REV3L: variants seen among roughly 807,000 people sequenced by gnomAD.
REV3L encodes the protein DNA polymerase zeta catalytic subunit.
A neutral mutation model predicts 299.4 loss-of-function variants in REV3L; 69 were observed. The ratio of observed to expected loss-of-function variants is 0.23; its 90% CI spans 0.19 to 0.28. The LOEUF (loss-of-function observed/expected upper bound fraction) is 0.28, where lower values mean the gene tolerates loss of function less well. REV3L is among the 10% of genes least tolerant of loss of function. REV3L has a pLI of 1.00. For synonymous variants in REV3L, 1,238 were observed against 1,271.4 expected, an observed-to-expected ratio of 0.97 and a Z score of 0.56; for missense variants, 3,128 against 3,693.8, an observed-to-expected ratio of 0.85 and a Z score of 3.97.
chr6:111,310,352 T>C (rs755163765), intron 29 of REV3L: 53 of 295,466 alleles, frequency 1.8e-4, no homozygotes, highest in Non-Finnish European at 2.8e-4. Context: ...AGTTGGCAGA[T>C]ATCAACTAGC....
chr6:111,410,603 G>C (rs1196278849), intron 3 of REV3L, among the ~76,000 whole-genome samples: 2 of 152,168 alleles, frequency 1.3e-5, no homozygotes, highest in Admixed American at 1.3e-4. Flanking sequence ...TTTTGGGTAA[G>C]ATCAAGGGCA....
rs867499237 is a variant in REV3L, at chr6:111,380,070, G to A, written c.1366C>T (p.Pro456Ser). The change falls in exon 11 of 32, where the codon CCA becomes TCA. Residue 456 changes from proline (P) to serine (S), a missense_variant. Pro to Ser is a moderately conservative substitution (Grantham distance 74). Coordinates refer to ENST00000368802, the MANE Select transcript of REV3L (RefSeq NM_001372078.1). ...PQNSDDEENE[P>S]QIEKEEMELS... ...TCCATTTCCTCTTTTTCAATCTGTG[G>A]TTCATTTTCTTCATCATCACTATTT... The A allele has an allele frequency of 6.2e-7, 1 of 1,613,572 alleles. No individual in the cohort carries two copies. Among genetic ancestry groups the A allele is most frequent in the Non-Finnish European group, 8.5e-7 (1 of 1,179,864 alleles).
rs1235353049 is a variant in REV3L, at chr6:111,373,677, T to G, written c.4678A>C (p.Asn1560His). ...TTATGCTCAAGGGAACCAGAAATAT[T>G]TTTATTTGGTTGATGTTTATTGGAT... ...PLSNKHQPNK[N>H]ISGSLEHNKA... Residue 1560 changes from asparagine (N) to histidine (H), a missense_variant, in exon 13 of 32, where the codon AAT becomes CAT. Transcript: ENST00000368802. 1 of 1,614,016 alleles carries G rather than the reference T, an allele frequency of 6.2e-7. No individual in the cohort carries two copies. Among genetic ancestry groups the G allele is most frequent in the Non-Finnish European group, 8.5e-7 (1 of 1,179,976 alleles).
intron 9 of REV3L, among the ~76,000 whole-genome samples, chr6:111,386,060 A>G (rs1781314248): frequency 6.6e-6 from 1 of 152,246 alleles, no homozygotes; most frequent in Non-Finnish European, 1.5e-5. Flanking sequence ...CTAACCATGT[A>G]TAAGCTAATT....
At chr6:111,481,578 T>C (rs1346456136) in intron 1 of REV3L, among the ~76,000 whole-genome samples, 3 of 152,212 alleles carry the variant, frequency 2.0e-5, no homozygotes, top group Non-Finnish European at 4.4e-5. Flanking sequence ...GCTATTATCT[T>C]GGTAGTCCAC....
chr6:111,357,715 A>G (rs1778241227), intron 17 of REV3L, among the ~76,000 whole-genome samples: 1 of 152,068 alleles, frequency 6.6e-6, no homozygotes, highest in African/African-American at 2.4e-5. Flanking sequence ...AAAATAACAT[A>G]TCTCTTGTGA....
chr6:111,338,542 T>C (rs975910304), intron 21 of REV3L, among the ~76,000 whole-genome samples: 28 of 151,602 alleles, frequency 1.8e-4, no homozygotes, highest in South Asian at 6.2e-4. Context: ...TTAATATACA[T>C]AACTGTTACG....
chr6:111,371,377 G>T (rs2115053964), intron 13 of REV3L, among the ~76,000 whole-genome samples: 1 of 152,074 alleles, frequency 6.6e-6, no homozygotes, highest in Admixed American at 6.5e-5. Flanking sequence ...TCACATGTTT[G>T]TCTATCAATT....
intron 9 of REV3L, 151 bp from the exon 10 acceptor site, chr6:111,381,595 A>G: frequency 3.1e-6 from 2 of 648,184 alleles, no homozygotes; most frequent in South Asian, 2.1e-5. Context: ...AACATAATAA[A>G]AAGCCACAGA....
intron 16 of REV3L, among the ~76,000 whole-genome samples, chr6:111,361,815 A>AT (rs1778714414): frequency 6.6e-6 from 1 of 152,050 alleles, no homozygotes; most frequent in Non-Finnish European, 1.5e-5. Flanking sequence ...AGAGAACAGT[A>AT]TTTTTTCTTT....
chr6:111,430,993 G>A, intron 1 of REV3L: 1 of 1,572,730 alleles, frequency 6.4e-7, no homozygotes, highest in African/African-American at 1.4e-5. Flanking sequence ...GGTTCAAAGA[G>A]GACAAAAGAA....
chr6:111,343,865 A>G, intron 21 of REV3L, 60 bp downstream of exon 21: 2 of 1,177,840 alleles, frequency 1.7e-6, no homozygotes, highest in Non-Finnish European at 2.4e-6. Flanking sequence ...ATTTTATTAC[A>G]TATAAATTAC....
At chr6:111,303,374 T>G (rs1042884937) in intron 31 of REV3L, among the ~76,000 whole-genome samples, 1 of 150,836 alleles carries the variant, frequency 6.6e-6, no homozygotes, top group African/African-American at 2.4e-5. Flanking sequence ...TATTTTTAAT[T>G]TATTATTTTT....
At chr6:111,364,599 A>G (rs145100604) in intron 15 of REV3L, among the ~76,000 whole-genome samples, 255 of 152,144 alleles carry the variant, frequency 1.7e-3, no homozygotes, top group Non-Finnish European at 2.9e-3. Context: ...TTTATAAATG[A>G]AAGTTTAAAA....
intron 1 of REV3L, among the ~76,000 whole-genome samples, chr6:111,480,734 T>C (rs1050703757): frequency 6.6e-5 from 10 of 151,534 alleles, no homozygotes; most frequent in Non-Finnish European, 1.5e-5. Context: ...TCAATGTACA[T>C]ATAAAAAGTG....
At chr6:111,340,474 G>A (rs964244808) in intron 21 of REV3L, among the ~76,000 whole-genome samples, 22 of 151,962 alleles carry the variant, frequency 1.4e-4, no homozygotes, top group African/African-American at 5.1e-4. Flanking sequence ...TAAATCTGGG[G>A]CTTCCAGGAG....
chr6:111,361,405 A>ACACACAC (rs1432263199), intron 16 of REV3L: 1 of 139,058 alleles, frequency 7.2e-6, no homozygotes, highest in Non-Finnish European at 1.6e-5. Context: ...AAAAAAACAA[A>ACACACAC]AAACACACAC....
At chr6:111,451,647 A>G (rs377139005) in intron 1 of REV3L, among the ~76,000 whole-genome samples, 6 of 152,166 alleles carry the variant, frequency 3.9e-5, no homozygotes, top group East Asian at 1.9e-4. Context: ...GAATTTTTAT[A>G]AAGCTACCTC....
intron 1 of REV3L, among the ~76,000 whole-genome samples, chr6:111,444,926 T>C (rs918364895): frequency 6.6e-6 from 1 of 152,242 alleles, no homozygotes; most frequent in Non-Finnish European, 1.5e-5. Context: ...TCCTACTTCT[T>C]TCCCAGAAGT....
Sources: gnomAD v4.1 joint callset for allele counts (sites outside exome capture counted in the v4.1 genomes callset) on GRCh38, gnomAD v4.1.1 for gene constraint, MANE v1.5 for transcripts, NCBI Gene and HGNC (gene_info 2026-07-23, HGNC 2026-07-21) for gene names.